HPCAL1: variants seen among roughly 807,000 people sequenced by gnomAD.
The protein encoded by HPCAL1 is hippocalcin-like protein 1.
Under a neutral mutation model 17.1 loss-of-function variants are expected in HPCAL1, and 8 were observed. The ratio of observed to expected loss-of-function variants is 0.47; its 90% CI spans 0.27 to 0.84. The LOEUF (loss-of-function observed/expected upper bound fraction) is 0.84, where lower values mean the gene tolerates loss of function less well. Among genes scored for constraint, HPCAL1 ranks in the 40% least tolerant of loss-of-function variants. HPCAL1 has a pLI of 0.13. For missense variants in HPCAL1, 165 were observed against 271.1 expected (o/e 0.61, Z 2.75); for synonymous variants, 112 against 111.4 (o/e 1.01, Z -0.03).
At chr2:10,338,536 G>A (rs1267332864) in intron 1 of HPCAL1, among the ~76,000 whole-genome samples, 1 of 152,130 alleles carries the variant, frequency 6.6e-6, no homozygotes, top group African/African-American at 2.4e-5. Context: ...ACTTGGCTGG[G>A]GCAGGTGTCA....
intron 1 of HPCAL1, among the ~76,000 whole-genome samples, chr2:10,361,302 C>T (rs1666513819): frequency 6.6e-6 from 1 of 151,480 alleles, no homozygotes; most frequent in Admixed American, 6.6e-5. Context: ...TCCACTGTGG[C>T]CTCGTTGTCT....
At chr2:10,358,412 C>T (rs1666313795) in intron 1 of HPCAL1, among the ~76,000 whole-genome samples, 2 of 152,196 alleles carry the variant, frequency 1.3e-5, no homozygotes, top group South Asian at 4.1e-4. Flanking sequence ...GGGCTCCACC[C>T]CTGGGCCCAT....
chr2:10,399,241 T>TCACCATCATCACCAC (rs1669292107), intron 2 of HPCAL1, among the ~76,000 whole-genome samples: 1 of 12,034 alleles, frequency 8.3e-5, no homozygotes, highest in Non-Finnish European at 2.1e-4. Context: ...ACCACCACCA[T>TCACCATCATCACCAC]CACCACCACC....
At chr2:10,339,315 C>T (rs1664921031) in intron 1 of HPCAL1, among the ~76,000 whole-genome samples, 1 of 150,948 alleles carries the variant, frequency 6.6e-6, no homozygotes, top group African/African-American at 2.4e-5. Context: ...ACCATGCCCA[C>T]CTAATTTTTT....
intron 1 of HPCAL1, among the ~76,000 whole-genome samples, chr2:10,355,265 A>G (rs974209937): frequency 1.8e-4 from 28 of 151,378 alleles, no homozygotes; most frequent in Non-Finnish European, 2.9e-4. Context: ...TCCTGGCTAA[A>G]ACGGGGAAAC....
At chr2:10,379,223 A>G (rs557603426) in intron 1 of HPCAL1, among the ~76,000 whole-genome samples, 1 of 151,972 alleles carries the variant, frequency 6.6e-6, no homozygotes, top group South Asian at 2.1e-4. Context: ...ACTACATTTG[A>G]AGTCCAGCCT....
intron 2 of HPCAL1, among the ~76,000 whole-genome samples, chr2:10,409,635 C>G (rs1670204283): frequency 6.6e-6 from 1 of 152,180 alleles, no homozygotes; most frequent in African/African-American, 2.4e-5. Context: ...ACCTGTTTGT[C>G]TTCCACCGGC....
rs574593503 is a variant in HPCAL1 at position 10,403,153 on chromosome 2, C to T, written c.-25+6233C>T. Among the ~76,000 whole-genome samples, 9 of 152,268 alleles carry T rather than the reference C, an allele frequency of 5.9e-5. No individual in the cohort carries two copies. The East Asian group carries it at 1.5e-3, about 26-fold the overall frequency. ...CAGCTGGTTCTGCTGAACAAGGTCC[C>T]GGGGAGAGGGACACCAGTCCTGGCT... is the stretch of plus-strand genomic sequence containing the variant. On this transcript the variant is annotated intron_variant, in intron 2 of 4. Coordinates refer to ENST00000307845, the MANE Select transcript of HPCAL1 (RefSeq NM_002149.4).
At chr2:10,309,325 T>C (rs1037549088) in intron 1 of HPCAL1, among the ~76,000 whole-genome samples, 1 of 152,206 alleles carries the variant, frequency 6.6e-6, no homozygotes, top group Non-Finnish European at 1.5e-5. Context: ...TGAACTACTG[T>C]GCCTCAGCCC....
intron 4 of HPCAL1, chr2:10,425,852 C>G (rs1280855162): frequency 6.6e-6 from 1 of 152,492 alleles, no homozygotes; most frequent in Admixed American, 6.5e-5. Flanking sequence ...CAACCTCAAA[C>G]CTCATCCTTC....
chr2:10,395,540 C>T lies in HPCAL1; in HGVS notation c.-110-1295C>T, dbSNP rs1161586795. Reference sequence around the variant, plus strand: ...GCAGGAGCGAGGGGAGCCCCGCTGGCACGCCGCACTGTGCTGAGGCTGGGT... The same window carrying T: ...GCAGGAGCGAGGGGAGCCCCGCTGGTACGCCGCACTGTGCTGAGGCTGGGT... On this transcript the variant is annotated intron_variant, in intron 1 of 4. Coordinates refer to ENST00000307845, the MANE Select transcript of HPCAL1 (RefSeq NM_002149.4). This position sits in a 1 kb window ranked among gnomAD's most constrained non-coding sequence, Gnocchi z 4.4. Among the ~76,000 whole-genome samples the T allele has an allele frequency of 6.6e-6, 1 of 152,200 alleles. No homozygotes were observed. Among genetic ancestry groups the T allele is most frequent in the African/African-American group, 2.4e-5 (1 of 41,448 alleles).
At chr2:10,314,303 G>GT in intron 1 of HPCAL1, among the ~76,000 whole-genome samples, 1 of 151,894 alleles carries the variant, frequency 6.6e-6, no homozygotes, top group Non-Finnish European at 1.5e-5. Flanking sequence ...GGGGTGGGGG[G>GT]TGGCAGGAAG....
intron 1 of HPCAL1, among the ~76,000 whole-genome samples, chr2:10,326,012 G>A (rs1663989790): frequency 6.6e-6 from 1 of 152,224 alleles, no homozygotes; most frequent in Admixed American, 6.5e-5. Flanking sequence ...GTCATGGAGT[G>A]TTTGCTTGGA....
chr2:10,388,261 G>C (rs1462117699), intron 1 of HPCAL1, among the ~76,000 whole-genome samples: 1 of 152,214 alleles, frequency 6.6e-6, no homozygotes, highest in African/African-American at 2.4e-5. Context: ...CTGTTCTGAT[G>C]TTGGCAAAGG....
chr2:10,333,674 CTA>C (rs1664529859), intron 1 of HPCAL1, among the ~76,000 whole-genome samples: 6 of 152,204 alleles, frequency 3.9e-5, no homozygotes, highest in Non-Finnish European at 8.8e-5. Context: ...CCCAAATATT[CTA>C]TGTCTCTTTG....
At chr2:10,315,209 G>C (rs1163678035) in intron 1 of HPCAL1, among the ~76,000 whole-genome samples, 1 of 151,900 alleles carries the variant, frequency 6.6e-6, no homozygotes, top group Non-Finnish European at 1.5e-5. Context: ...AGGAGAATAG[G>C]GTGAACCCAG....
intron 1 of HPCAL1, among the ~76,000 whole-genome samples, chr2:10,391,275 T>C (rs1329553914): frequency 6.6e-6 from 1 of 152,108 alleles, no homozygotes; most frequent in Non-Finnish European, 1.5e-5. Flanking sequence ...TCCCTTCCCC[T>C]CTGTAAGGGG....
At chr2:10,305,686 C>T (rs562439082) in intron 1 of HPCAL1, among the ~76,000 whole-genome samples, 1 of 152,334 alleles carries the variant, frequency 6.6e-6, no homozygotes, top group South Asian at 2.1e-4. Context: ...CAAACTCCAG[C>T]CAATGACCCA....
chr2:10,342,119 CTGAT>C lies in HPCAL1; in HGVS notation c.-111+38945_-111+38948del, dbSNP rs1296828234. Among the ~76,000 whole-genome samples, 1 of 151,638 alleles carries C rather than the reference CTGAT, an allele frequency of 6.6e-6. No homozygotes were observed. Among genetic ancestry groups the C allele is most frequent in the Admixed American group, 6.6e-5 (1 of 15,222 alleles). ...CAGGAGGTTGAGGCTACAGTGAGCT[CTGAT>C]TGTGCCGCTGTGCTCCAGCCTGGTG... On this transcript the variant is annotated intron_variant, in intron 1 of 4. Transcript: ENST00000307845. This position sits in a 1 kb window ranked among gnomAD's most constrained non-coding sequence, Gnocchi z 4.1.
Sources: gnomAD v4.1 joint callset for allele counts (sites outside exome capture counted in the v4.1 genomes callset) on GRCh38, gnomAD v4.1.1 for gene constraint, Gnocchi (gnomAD v3.1) non-coding constraint, MANE v1.5 for transcripts, NCBI Gene and HGNC (gene_info 2026-07-23, HGNC 2026-07-21) for gene names.